The following SH3RF3 variants were observed in gnomAD, a reference collection of about 807,000 sequenced individuals.
SH3RF3 encodes the protein SH3 domain containing ring finger 3.
A neutral mutation model predicts 66.3 loss-of-function variants in SH3RF3; 29 were observed. That is an observed-to-expected ratio of 0.44 (90% confidence interval 0.33 to 0.60). The LOEUF (loss-of-function observed/expected upper bound fraction) is 0.60, where lower values mean the gene tolerates loss of function less well. SH3RF3 is among the 20% of genes least tolerant of loss of function. SH3RF3 has a pLI of 0.04. For synonymous variants in SH3RF3, 583 were observed against 532.0 expected (o/e 1.10, Z -1.32); for missense variants, 1,194 against 1,190.9 (o/e 1.00, Z -0.04).
In SH3RF3 at chr2:109,170,302, CTCTTCTCTT is replaced by C. The variant is rs1200464430; in HGVS notation, c.573+40190_573+40198del. Among the ~76,000 whole-genome samples, 284 of 126,376 alleles carry C rather than the reference CTCTTCTCTT, an allele frequency of 2.2e-3. 2 individuals carry two copies. The highest frequency in any genetic ancestry group is 0.013 in the East Asian group (52 of 3,870). The allele number at this position is 126,376 out of a possible 152,430, so 82.9% of individuals were successfully genotyped here. A position where few individuals can be genotyped will look rare whatever the true frequency, so the allele number is the denominator to read the frequency against. On this transcript the variant is annotated intron_variant, in intron 1 of 9. Coordinates refer to ENST00000309415, the MANE Select transcript of SH3RF3 (RefSeq NM_001099289.3). Reference sequence around the variant, plus strand: ...CTCTTCTCTTCTCTTCTCTTCTCTTCTCTTCTCTTCTCTCCTCTCTCTCTCTCCTCTCTC... The same window carrying C: ...CTCTTCTCTTCTCTTCTCTTCTCTTCCTCTCCTCTCTCTCTCTCCTCTCTC...
intron 3 of SH3RF3, among the ~76,000 whole-genome samples, chr2:109,391,935 A>G (rs1676009072): frequency 1.3e-5 from 2 of 151,944 alleles, no homozygotes; most frequent in South Asian, 4.1e-4. Flanking sequence ...CTCCCACCTC[A>G]GCCTCCTGAG....
chr2:109,381,476 C>T (rs956560211), intron 3 of SH3RF3, among the ~76,000 whole-genome samples: 4 of 152,152 alleles, frequency 2.6e-5, no homozygotes, highest in Non-Finnish European at 5.9e-5. Context: ...ACCTACCCTC[C>T]GCAGGGCATC....
At chr2:109,232,152 C>A (rs1679528832) in intron 1 of SH3RF3, among the ~76,000 whole-genome samples, 1 of 152,150 alleles carries the variant, frequency 6.6e-6, no homozygotes, top group East Asian at 1.9e-4. Context: ...GTGGAATGAC[C>A]AGATCATGTG....
intron 1 of SH3RF3, among the ~76,000 whole-genome samples, chr2:109,189,223 G>T (rs1448753876): frequency 1.3e-5 from 2 of 151,982 alleles, no homozygotes; most frequent in Non-Finnish European, 2.9e-5. Context: ...AGGCTCTGGT[G>T]TGTTCAGAAG....
chr2:109,201,098 C>G (rs1303764223), intron 1 of SH3RF3, among the ~76,000 whole-genome samples: 2 of 152,258 alleles, frequency 1.3e-5, no homozygotes, highest in Non-Finnish European at 1.5e-5. Flanking sequence ...GTTCTCTCCC[C>G]TGTCCCTCAG....
At position 109,129,282 on chromosome 2, in the gene SH3RF3, G is replaced by T; in HGVS notation, c.-259G>T. The T allele has an allele frequency of 3.0e-6, 2 of 656,228 alleles. No homozygotes were observed. Among genetic ancestry groups the T allele is most frequent in the Non-Finnish European group, 2.6e-6 (1 of 384,508 alleles). The allele number at this position is 656,228 out of a possible 1,614,324, so 40.7% of individuals were successfully genotyped here. ...GCGGACTTGCGGCGGGACAGGTGTA[G>T]CCCGCAGCCGCAGGCGCTGCGCTCA... On this transcript the variant is annotated 5_prime_UTR_variant, in exon 1 of 10. Coordinates refer to ENST00000309415, the MANE Select transcript of SH3RF3 (RefSeq NM_001099289.3).
At chr2:109,254,652 T>G (rs747044714) in intron 1 of SH3RF3, among the ~76,000 whole-genome samples, 15 of 152,142 alleles carry the variant, frequency 9.9e-5, no homozygotes, top group Admixed American at 3.3e-4. Flanking sequence ...TTCTGCTGGG[T>G]TTCACTTCCT....
intron 4 of SH3RF3, among the ~76,000 whole-genome samples, chr2:109,400,062 C>T (rs1211212315): frequency 6.6e-6 from 1 of 152,252 alleles, no homozygotes; most frequent in Non-Finnish European, 1.5e-5. Flanking sequence ...CACCAATAAG[C>T]AACTGGCTGG....
At chr2:109,480,626 GGGA>G (rs1036818964) in intron 8 of SH3RF3, among the ~76,000 whole-genome samples, 1 of 152,060 alleles carries the variant, frequency 6.6e-6, no homozygotes, top group Admixed American at 6.6e-5. Context: ...GCTGCCCTGT[GGGA>G]GGAGGAGGAG....
intron 1 of SH3RF3, among the ~76,000 whole-genome samples, chr2:109,199,497 T>TTCAACC (rs112603333): frequency 0.048 from 12 of 248 alleles, no homozygotes; most frequent in East Asian, 0.25. Context: ...ATGGAATGGA[T>TTCAACC]GGAATGGAAT....
chr2:109,303,182 C>A (rs971352877), intron 1 of SH3RF3, among the ~76,000 whole-genome samples: 1 of 152,192 alleles, frequency 6.6e-6, no homozygotes, highest in African/African-American at 2.4e-5. Context: ...GGCCGATCTC[C>A]TTAGTTTTTA....
chr2:109,390,062 G>A (rs1022799631), intron 3 of SH3RF3, among the ~76,000 whole-genome samples: 1 of 152,170 alleles, frequency 6.6e-6, no homozygotes, highest in Admixed American at 6.5e-5. Context: ...TCCACGTGCA[G>A]CACACACCCC....
In SH3RF3 at chr2:109,432,610, G is replaced by T; in HGVS notation, c.1513G>T (p.Ala505Ser). 1 of 1,613,310 alleles carries T rather than the reference G, an allele frequency of 6.2e-7. No homozygotes were observed. Among genetic ancestry groups the T allele is most frequent in the Non-Finnish European group, 8.5e-7 (1 of 1,179,632 alleles). ...GTGTCAGGATGGCTGGTTCAAGGGG[G>T]CGTCTCTGAGGACCGGGGTCTCTGG... ...EKCQDGWFKG[A>S]SLRTGVSGVF... is the part of the protein sequence containing the mutation. Residue 505 changes from alanine to serine, a missense_variant, in exon 6 of 10, where the codon GCG (alanine) becomes TCG (serine). Coordinates refer to ENST00000309415, the MANE Select transcript of SH3RF3 (RefSeq NM_001099289.3).
In SH3RF3 at chr2:109,248,086, A is replaced by G. The variant is rs1420263786; in HGVS notation, c.574-99588A>G. Reference sequence around the variant, plus strand: ...GATCCAGGGAACATGAATCAATTGGAGGCTGTTACTCTACAATCCACCACA... The same window carrying G: ...GATCCAGGGAACATGAATCAATTGGGGGCTGTTACTCTACAATCCACCACA... On this transcript the variant is annotated intron_variant, in intron 1 of 9. Coordinates refer to ENST00000309415, the MANE Select transcript of SH3RF3 (RefSeq NM_001099289.3). 2.6e-5 allele frequency among the ~76,000 whole-genome samples: 4 copies of G among 152,178 alleles called. No homozygotes were observed. In the East Asian group the frequency reaches 7.7e-4, roughly 29 times the overall value.
chr2:109,483,323 C>T (rs1404594197), intron 8 of SH3RF3, among the ~76,000 whole-genome samples: 1 of 152,236 alleles, frequency 6.6e-6, no homozygotes, highest in Non-Finnish European at 1.5e-5. Flanking sequence ...TCTAAAGTTT[C>T]CTGCAAGCCC....
chr2:109,418,575 C>T (rs1676786333), intron 4 of SH3RF3, among the ~76,000 whole-genome samples: 2 of 152,058 alleles, frequency 1.3e-5, no homozygotes, highest in South Asian at 4.1e-4. Context: ...GGTCCTCCTT[C>T]TCTGTGTTGT....
At chr2:109,392,164 C>T (rs1420109744) in intron 3 of SH3RF3, among the ~76,000 whole-genome samples, 1 of 152,192 alleles carries the variant, frequency 6.6e-6, no homozygotes, top group Non-Finnish European at 1.5e-5. Context: ...CTAAAATGTA[C>T]CCAACCCATT....
intron 1 of SH3RF3, among the ~76,000 whole-genome samples, chr2:109,295,569 AG>A (rs1427612231): frequency 6.6e-6 from 1 of 152,166 alleles, no homozygotes; most frequent in Non-Finnish European, 1.5e-5. Flanking sequence ...CTCACTGTGG[AG>A]GGCCAGGTGG....
chr2:109,345,827 A>G (rs6710178), intron 1 of SH3RF3, among the ~76,000 whole-genome samples: 31,332 of 152,200 alleles, frequency 0.21, 3,698 homozygotes, highest in African/African-American at 0.33. Context: ...GCTCTGGGCC[A>G]GGTCATTCTT....
Sources: gnomAD v4.1 joint callset for allele counts (sites outside exome capture counted in the v4.1 genomes callset) on GRCh38, gnomAD v4.1.1 for gene constraint, MANE v1.5 for transcripts, NCBI Gene and HGNC (gene_info 2026-07-23, HGNC 2026-07-21) for gene names.